Variants in FAM47E observed in about 807,000 individuals in gnomAD.
FAM47E encodes the protein family with sequence similarity 47 member E.
In FAM47E, 32 loss-of-function variants were observed where a neutral mutation model predicts 41.6. That is an observed-to-expected ratio of 0.77 (90% CI 0.58 to 1.03). The LOEUF (loss-of-function observed/expected upper bound fraction) is 1.03, where lower values mean the gene tolerates loss of function less well. Among genes scored for constraint, FAM47E ranks in the 50% least tolerant of loss-of-function variants. The pLI is 0.00. For synonymous variants in FAM47E, 184 were observed against 188.7 expected (o/e 0.98, Z 0.20); for missense variants, 424 against 485.4 (o/e 0.87, Z 1.19).
At chr4:76,279,581 A>G (rs1030102393) in intron 6 of FAM47E, 3 of 152,206 alleles carry the variant, frequency 2.0e-5, no homozygotes, top group African/African-American at 7.2e-5. Context: ...TTGTTCTACA[A>G]TAATTTTTAT....
At chr4:76,255,674 G>C (rs1236290013) in intron 1 of FAM47E, among the ~76,000 whole-genome samples, 1 of 152,156 alleles carries the variant, frequency 6.6e-6, no homozygotes, top group Non-Finnish European at 1.5e-5. Flanking sequence ...GCAACAACTT[G>C]AGTGTCCTTC....
In FAM47E at chr4:76,280,591, G is replaced by C. The variant is rs572401977; in HGVS notation, c.1104+250G>C. ...GAGATACTATTTCCCTGTGATCTTT[G>C]ACTCATCTTCCTTGGATTTGGCCTC... On this transcript the variant is annotated intron_variant, in intron 7 of 7. Coordinates refer to ENST00000424749, the MANE Select transcript of FAM47E (RefSeq NM_001136570.3). 7 of 358,078 alleles carry C rather than the reference G, an allele frequency of 2.0e-5. No individual in the cohort carries two copies. In the South Asian group the frequency reaches 3.8e-4, roughly 19 times the overall value. The allele number at this position is 358,078 out of a possible 1,614,324, so 22.2% of individuals were successfully genotyped here.
intron 2 of FAM47E, among the ~76,000 whole-genome samples, chr4:76,229,043 T>C (rs553226568): frequency 6.6e-6 from 1 of 152,304 alleles, no homozygotes; most frequent in African/African-American, 2.4e-5. Context: ...AATTACTTTT[T>C]CTTTGTCTTT....
At chr4:76,235,511 G>A (rs2109988333) in intron 2 of FAM47E, among the ~76,000 whole-genome samples, 1 of 151,992 alleles carries the variant, frequency 6.6e-6, no homozygotes, top group East Asian at 1.9e-4. Context: ...TGGGAGGTAG[G>A]AATTATTATC....
chr4:76,229,091 T>G (rs1457094602), intron 2 of FAM47E, among the ~76,000 whole-genome samples: 1 of 152,190 alleles, frequency 6.6e-6, no homozygotes, highest in African/African-American at 2.4e-5. Context: ...GTTTTCAAGC[T>G]CTGAAATTCT....
chr4:76,268,469 A>G, intron 3 of FAM47E, 191 bp from the exon 4 acceptor site: 1 of 554,152 alleles, frequency 1.8e-6, no homozygotes. Context: ...ACTAATCATG[A>G]TATACTTGTC....
chr4:76,235,559 A>G lies in FAM47E; in HGVS notation c.81+17871A>G, dbSNP rs183311881. On this transcript the variant is annotated intron_variant, in intron 2 of 7. Transcript: ENST00000510197. ...TTGAAAAAAAACCTGGAAAAATCTCAGATAATAATTAACTTGTCCAAGATC... is the reference window on the plus strand; with the variant it reads ...TTGAAAAAAAACCTGGAAAAATCTCGGATAATAATTAACTTGTCCAAGATC... Among the ~76,000 whole-genome samples, 238 of 152,316 alleles carry G rather than the reference A, an allele frequency of 1.6e-3. 1 individual carries two copies. Among genetic ancestry groups the G allele is most frequent in the African/African-American group, 5.5e-3 (228 of 41,568 alleles).
At chr4:76,224,172 C>T (rs1733354960) in intron 2 of FAM47E, among the ~76,000 whole-genome samples, 1 of 152,204 alleles carries the variant, frequency 6.6e-6, no homozygotes, top group Non-Finnish European at 1.5e-5. Flanking sequence ...TAGGCAGATA[C>T]AGTCCATTAC....
chr4:76,230,251 T>C (rs1233954452), intron 2 of FAM47E, among the ~76,000 whole-genome samples: 1 of 152,100 alleles, frequency 6.6e-6, no homozygotes, highest in Admixed American at 6.6e-5. Context: ...AATGGGGTTA[T>C]GTTCCAGAGG....
At chr4:76,239,992 C>A (rs1039828550) in intron 2 of FAM47E, among the ~76,000 whole-genome samples, 2 of 152,122 alleles carry the variant, frequency 1.3e-5, no homozygotes, top group African/African-American at 4.8e-5. Context: ...ATCTTTTCCC[C>A]ATTGGATAAT....
chr4:76,272,264 A>G (rs1386979087), intron 5 of FAM47E, among the ~76,000 whole-genome samples: 1 of 152,218 alleles, frequency 6.6e-6, no homozygotes, highest in Non-Finnish European at 1.5e-5. Context: ...AACAGAAAGG[A>G]GAAATAACAT....
Position 76,271,856 on chromosome 4 carries a change from G to A in FAM47E, c.870+88G>A, listed in dbSNP as rs1016597872. ...GTTCTTGAATTCTGATGTGTCATGG[G>A]TACTGGTTTTTTAAAGTAGAATTCT... is the stretch of plus-strand genomic sequence containing the variant. On this transcript the variant is annotated intron_variant, in intron 5 of 7. Transcript: ENST00000424749. The A allele has an allele frequency of 1.4e-5, 20 of 1,397,154 alleles. No individual in the cohort carries two copies. In the African/African-American group the frequency reaches 2.9e-4, roughly 20 times the overall value. 86.5% of individuals were successfully genotyped at this position (1,397,154 alleles called of 1,614,324 possible).
intron 3 of FAM47E, chr4:76,268,341 G>A (rs938232753): frequency 4.6e-6 from 1 of 216,390 alleles, no homozygotes; most frequent in African/African-American, 2.4e-5. Flanking sequence ...TGAGGCTTTG[G>A]TAGACTTCAA....
At position 76,278,191 on chromosome 4, in the gene FAM47E, A is replaced by G. The variant is rs1560753641; in HGVS notation, c.993A>G (p.Gln331=). The change falls in exon 6 of 8, where the codon CAA becomes CAG. Residue 331 remains glutamine (Q), a synonymous_variant. Transcript: ENST00000424749. Reference sequence around the variant, plus strand: ...ACCCTGAGGTCTCACATAAGGCTCAAGAGGAGAATTTTAAAAAGGAGCTGC... The same window carrying G: ...ACCCTGAGGTCTCACATAAGGCTCAGGAGGAGAATTTTAAAAAGGAGCTGC... The part of the protein sequence containing the change: ...LVDPEVSHKA[Q]EENFKKELQE... 3.9e-6 allele frequency: 6 copies of G among 1,543,586 alleles called. No homozygotes were observed. In the South Asian group the frequency reaches 7.3e-5, roughly 19 times the overall value.
At chr4:76,273,386 T>C (rs947117609) in intron 5 of FAM47E, among the ~76,000 whole-genome samples, 14 of 152,340 alleles carry the variant, frequency 9.2e-5, no homozygotes, top group African/African-American at 3.1e-4. Context: ...TTTTGTATTT[T>C]GTGGGAAAAG....
intron 3 of FAM47E, among the ~76,000 whole-genome samples, chr4:76,265,193 G>A (rs1734580451): frequency 6.6e-6 from 1 of 152,212 alleles, no homozygotes; most frequent in African/African-American, 2.4e-5. Context: ...ATGTAGGAAG[G>A]GTAACTGGAC....
At chr4:76,264,109 C>G (rs918308141) in intron 3 of FAM47E, among the ~76,000 whole-genome samples, 1 of 152,158 alleles carries the variant, frequency 6.6e-6, no homozygotes, top group South Asian at 2.1e-4. Flanking sequence ...GGGGTAGAAA[C>G]AGTGAAGGTT....
intron 5 of FAM47E, among the ~76,000 whole-genome samples, chr4:76,273,764 T>C (rs951832550): frequency 6.6e-6 from 1 of 152,150 alleles, no homozygotes; most frequent in Admixed American, 6.5e-5. Flanking sequence ...ATTAGGCCGC[T>C]TGAAGTTGTT....
At chr4:76,251,937 T>C (rs754417745) in intron 1 of FAM47E, 117 bp downstream of exon 1, 1 of 1,255,942 alleles carries the variant, frequency 8.0e-7, no homozygotes, top group Non-Finnish European at 1.0e-6. Flanking sequence ...CCTTCCCTCC[T>C]CAATGCTTCC....
Sources: allele counts gnomAD v4.1 joint callset (sites outside exome capture counted in the v4.1 genomes callset), GRCh38; gene constraint gnomAD v4.1.1; transcripts MANE v1.5; gene names NCBI Gene and HGNC (gene_info 2026-07-23, HGNC 2026-07-21).